B3GALT1: variants seen among roughly 807,000 people sequenced by gnomAD.
The protein encoded by B3GALT1 is beta-1,3-galactosyltransferase 1.
A neutral mutation model predicts 23.2 loss-of-function variants in B3GALT1; 10 were observed. The observed-to-expected ratio is 0.43, with a 90% confidence interval of 0.27 to 0.73. B3GALT1 has a LOEUF of 0.73. Among genes scored for constraint, B3GALT1 ranks in the 30% least tolerant of loss-of-function variants. The probability of loss-of-function intolerance (pLI) is 0.21; values close to 1 mark genes in which losing one functional copy is unlikely to be tolerated. For synonymous variants in B3GALT1, 156 were observed against 141.5 expected (o/e 1.10, Z -0.73); for missense variants, 299 against 405.4 (o/e 0.74, Z 2.25).
chr2:167,437,420 AG>A, intron 1 of B3GALT1, among the ~76,000 whole-genome samples: 1 of 152,330 alleles, frequency 6.6e-6, no homozygotes, highest in Admixed American at 6.5e-5. Flanking sequence ...AGCAGGCACA[AG>A]TTTTCCATTT....
rs77123800 is a variant in B3GALT1 at position 167,423,652 on chromosome 2, A to G, written c.-510-66525A>G. On this transcript the variant is annotated intron_variant, in intron 1 of 4. Transcript: ENST00000392690. ...TTGTTCTTTGCAGCAATTAGTCCCA[A>G]TCCAAAGAGAGGTTGTAAGTAGCCT... is the stretch of plus-strand genomic sequence containing the variant. 7.4e-3 allele frequency among the ~76,000 whole-genome samples: 1,133 copies of G among 152,266 alleles called. 19 individuals carry two copies. The highest frequency in any genetic ancestry group is 0.026 in the African/African-American group (1,087 of 41,556).
chr2:167,423,621 T>G (rs1034432421), intron 1 of B3GALT1, among the ~76,000 whole-genome samples: 2 of 152,194 alleles, frequency 1.3e-5, no homozygotes, highest in Non-Finnish European at 2.9e-5. Flanking sequence ...TCATGATTTG[T>G]TGTCATTGTT....
At chr2:167,832,059 TATAA>T (rs913322103) in intron 4 of B3GALT1, among the ~76,000 whole-genome samples, 27 of 152,166 alleles carry the variant, frequency 1.8e-4, no homozygotes, top group African/African-American at 6.0e-4. Flanking sequence ...TAAGACAAAA[TATAA>T]ATAAATAAGG....
In B3GALT1 at chr2:167,293,086, C is replaced by T. The variant is rs1216757424; in HGVS notation, c.-759C>T. On this transcript the variant is annotated 5_prime_UTR_variant, in exon 1 of 5. Transcript: ENST00000392690. ...CGGCTAGTGCAGCTGGGCGAGCTCG[C>T]GCGGGCGCCGCCGCCGCCTCTGCTG... The T allele has an allele frequency of 9.3e-5, 14 of 151,160 alleles. No homozygotes were observed. Among genetic ancestry groups the T allele is most frequent in the African/African-American group, 3.4e-4 (14 of 41,422 alleles). 9.4% of individuals were successfully genotyped at this position (151,160 alleles called of 1,614,324 possible). A position where few individuals can be genotyped will look rare whatever the true frequency, so the allele number is the denominator to read the frequency against.
chr2:167,522,912 G>A (rs1382744420), intron 2 of B3GALT1, among the ~76,000 whole-genome samples: 1 of 152,184 alleles, frequency 6.6e-6, no homozygotes, highest in African/African-American at 2.4e-5. Context: ...TCTAAAGCAT[G>A]AAGGTGCTTT....
At chr2:167,378,408 A>G (rs192865014) in intron 1 of B3GALT1, among the ~76,000 whole-genome samples, 1 of 152,116 alleles carries the variant, frequency 6.6e-6, no homozygotes, top group Non-Finnish European at 1.5e-5. Context: ...TACTCTCTCA[A>G]ATATATTTTC....
chr2:167,308,421 T>G (rs1280994181), intron 1 of B3GALT1, among the ~76,000 whole-genome samples: 2 of 152,006 alleles, frequency 1.3e-5, no homozygotes, highest in Non-Finnish European at 2.9e-5. Flanking sequence ...CGACTGTAAT[T>G]TCTGCCTGTA....
chr2:167,368,450 C>T (rs147350921), intron 1 of B3GALT1, among the ~76,000 whole-genome samples: 207 of 152,280 alleles, frequency 1.4e-3, no homozygotes, highest in African/African-American at 4.7e-3. Flanking sequence ...TTCCAAGTAC[C>T]TTGTCCCTAG....
chr2:167,564,345 G>A lies in B3GALT1; in HGVS notation c.-410+74068G>A, dbSNP rs550206497. 6.2e-4 allele frequency among the ~76,000 whole-genome samples: 93 copies of A among 150,622 alleles called. 1 individual carries two copies. In the South Asian group the frequency reaches 0.016, roughly 25 times the overall value. On this transcript the variant is annotated intron_variant, in intron 2 of 4. Coordinates refer to ENST00000392690, the MANE Select transcript of B3GALT1 (RefSeq NM_020981.4). ...GCGCTCCCCACCTCCTAGATGGGAC[G>A]GCGGCCGGGCAGAGACGCTCCCCAC...
chr2:167,832,791 A>T (rs964120552), intron 4 of B3GALT1, among the ~76,000 whole-genome samples: 16 of 152,236 alleles, frequency 1.1e-4, no homozygotes, highest in African/African-American at 3.9e-4. Flanking sequence ...AAAGTTCTAT[A>T]CAGGGGCAAG....
At chr2:167,701,613 G>C (rs1442824339) in intron 3 of B3GALT1, among the ~76,000 whole-genome samples, 1 of 152,110 alleles carries the variant, frequency 6.6e-6, no homozygotes, top group Non-Finnish European at 1.5e-5. Flanking sequence ...AAAGTTTTAA[G>C]ATCTATGACT....
At chr2:167,566,119 A>G (rs1684160117) in intron 2 of B3GALT1, among the ~76,000 whole-genome samples, 2 of 152,336 alleles carry the variant, frequency 1.3e-5, no homozygotes, top group South Asian at 4.1e-4. Context: ...CAACAATGAT[A>G]GACTGGATTA....
intron 1 of B3GALT1, among the ~76,000 whole-genome samples, chr2:167,442,030 T>TC (rs1435541199): frequency 8.1e-6 from 1 of 123,436 alleles, no homozygotes; most frequent in Admixed American, 8.6e-5. Context: ...CCCTCCCCAC[T>TC]CCCCCCACCC....
At chr2:167,323,424 T>C (rs1696842495) in intron 1 of B3GALT1, among the ~76,000 whole-genome samples, 1 of 102,784 alleles carries the variant, frequency 9.7e-6, no homozygotes, top group Non-Finnish European at 2.1e-5. Flanking sequence ...TCAGAAAATA[T>C]TTAATGCATT....
chr2:167,519,875 C>G (rs969006297), intron 2 of B3GALT1, among the ~76,000 whole-genome samples: 2 of 151,852 alleles, frequency 1.3e-5, no homozygotes, highest in Non-Finnish European at 2.9e-5. Context: ...AGTTTGAGAC[C>G]AGCCTGGCCA....
At chr2:167,464,097 A>C (rs992171728) in intron 1 of B3GALT1, among the ~76,000 whole-genome samples, 1 of 152,164 alleles carries the variant, frequency 6.6e-6, no homozygotes, top group African/African-American at 2.4e-5. Context: ...GGACTTTCTG[A>C]AGCAGTTAAT....
chr2:167,863,044 C>A (rs750702670), intron 4 of B3GALT1, among the ~76,000 whole-genome samples: 3 of 152,190 alleles, frequency 2.0e-5, no homozygotes, highest in Non-Finnish European at 4.4e-5. Flanking sequence ...AGGAAAATGA[C>A]AAGTGTTACA....
At position 167,334,151 on chromosome 2, in the gene B3GALT1, TTTAG is replaced by T. The variant is rs1230113299; in HGVS notation, c.-511+40821_-511+40824del. On this transcript the variant is annotated intron_variant, in intron 1 of 4. Transcript: ENST00000392690. ...CAACACACTGCAGTTCAACACATAA[TTTAG>T]TTAATTATAATAATTAGTGTACTAG... 2.6e-5 allele frequency among the ~76,000 whole-genome samples: 4 copies of T among 152,276 alleles called. No individual in the cohort carries two copies. In the East Asian group the frequency reaches 7.7e-4, roughly 29 times the overall value.
intron 1 of B3GALT1, among the ~76,000 whole-genome samples, chr2:167,410,535 A>G (rs963126500): frequency 2.0e-5 from 3 of 149,134 alleles, no homozygotes; most frequent in Non-Finnish European, 4.4e-5. Context: ...CAATGAGAAC[A>G]CATGGACACA....
Sources: gnomAD v4.1 joint callset for allele counts (sites outside exome capture counted in the v4.1 genomes callset) on GRCh38, gnomAD v4.1.1 for gene constraint, MANE v1.5 for transcripts, NCBI Gene and HGNC (gene_info 2026-07-23, HGNC 2026-07-21) for gene names.